Variants in SNX29 observed in about 807,000 individuals in gnomAD.
SNX29 encodes sorting nexin-29.
In SNX29, 78 loss-of-function variants were observed where a neutral mutation model predicts 102.1. The ratio of observed to expected loss-of-function variants is 0.76; its 90% CI spans 0.64 to 0.92. The LOEUF (loss-of-function observed/expected upper bound fraction) is 0.92. SNX29 is among the 40% of genes least tolerant of loss of function. The pLI is 0.00. For synonymous variants in SNX29, 580 were observed against 414.5 expected, an observed-to-expected ratio of 1.40 and a Z score of -4.85; for missense variants, 1,280 against 1,061.7, an observed-to-expected ratio of 1.21 and a Z score of -2.86.
At chr16:12,348,121 G>A (rs1313297686) in intron 15 of SNX29, among the ~76,000 whole-genome samples, 1 of 152,094 alleles carries the variant, frequency 6.6e-6, no homozygotes, top group Non-Finnish European at 1.5e-5. Flanking sequence ...AATCAAAGAC[G>A]TGTGATTCTT....
intron 18 of SNX29, among the ~76,000 whole-genome samples, chr16:12,457,778 G>A (rs994791454): frequency 4.6e-5 from 7 of 152,170 alleles, no homozygotes; most frequent in Admixed American, 4.6e-4. Flanking sequence ...AAACAAAATT[G>A]AATGCTATCT....
chr16:12,566,145 C>T (rs1055604376), intron 20 of SNX29, among the ~76,000 whole-genome samples: 2 of 152,192 alleles, frequency 1.3e-5, no homozygotes, highest in Non-Finnish European at 2.9e-5. Context: ...AGGCATTTGC[C>T]TACAGAAACA....
intron 8 of SNX29, among the ~76,000 whole-genome samples, chr16:12,057,059 CTA>C (rs2050550820): frequency 6.6e-6 from 1 of 152,154 alleles, no homozygotes; most frequent in Admixed American, 6.6e-5. Context: ...AGTGATCCTC[CTA>C]TGTTGGCCTC....
intron 16 of SNX29, among the ~76,000 whole-genome samples, chr16:12,356,561 T>TA (rs2151312255): frequency 6.6e-6 from 1 of 152,374 alleles, no homozygotes; most frequent in East Asian, 1.9e-4. Flanking sequence ...TTCCATACTT[T>TA]ACTACATGGG....
At chr16:12,178,742 G>T (rs575093272) in intron 13 of SNX29, among the ~76,000 whole-genome samples, 1 of 152,344 alleles carries the variant, frequency 6.6e-6, no homozygotes, top group African/African-American at 2.4e-5. Context: ...CAGACAGTGT[G>T]TGTAGTTTTC....
Position 12,418,152 on chromosome 16 carries a change from C to G in SNX29, c.2037+14623C>G, listed in dbSNP as rs149216269. On this transcript the variant is annotated intron_variant, in intron 18 of 20. Coordinates refer to ENST00000566228, the MANE Select transcript of SNX29 (RefSeq NM_032167.5). ...AGTATTCACCCAGAACTTTTAATGA[C>G]CAATTATTGTTGTAGTACAGATTTA... 3.7e-3 allele frequency among the ~76,000 whole-genome samples: 558 copies of G among 152,244 alleles called. 2 individuals are homozygous for G. Among genetic ancestry groups the G allele is most frequent in the African/African-American group, 0.013 (538 of 41,532 alleles).
intron 15 of SNX29, among the ~76,000 whole-genome samples, chr16:12,285,862 T>C (rs907761312): frequency 1.2e-4 from 19 of 152,220 alleles, no homozygotes; most frequent in Admixed American, 9.8e-4. Flanking sequence ...TATTTATTTA[T>C]TTTTTATTTT....
intron 13 of SNX29, among the ~76,000 whole-genome samples, chr16:12,166,287 G>A (rs1032426178): frequency 2.0e-5 from 3 of 152,188 alleles, no homozygotes; most frequent in African/African-American, 7.2e-5. Flanking sequence ...CAGGCAAATG[G>A]GAGAGACAAA....
At chr16:12,202,259 C>G (rs955377583) in intron 14 of SNX29, among the ~76,000 whole-genome samples, 4 of 151,718 alleles carry the variant, frequency 2.6e-5, no homozygotes, top group Admixed American at 2.0e-4. Flanking sequence ...TTTTTTCTCT[C>G]TCCAAGAGAA....
intron 16 of SNX29, among the ~76,000 whole-genome samples, chr16:12,365,790 C>A (rs574582673): frequency 6.6e-6 from 1 of 151,712 alleles, no homozygotes; most frequent in South Asian, 2.1e-4. Context: ...CGCCTGTAAT[C>A]CCAGCACTTT....
rs72773337 is a variant in SNX29, at chr16:12,542,698, G to A, written c.2318+17857G>A. On this transcript the variant is annotated intron_variant, in intron 20 of 20. Transcript: ENST00000566228. ...GGAACATGGACTTTGGGGCCAGGCT[G>A]GTGTTGGTCCCAGTCTTTTACTCTT... Among the ~76,000 whole-genome samples the A allele has an allele frequency of 5.3e-3, 802 of 152,130 alleles. 5 individuals carry two copies. The highest frequency in any genetic ancestry group is 8.6e-3 in the Non-Finnish European group (587 of 68,016).
chr16:12,051,112 G>C (rs901951588), intron 7 of SNX29, among the ~76,000 whole-genome samples: 2 of 152,148 alleles, frequency 1.3e-5, no homozygotes, highest in Non-Finnish European at 2.9e-5. Context: ...AGTATTGCTT[G>C]AGGCCAGGAG....
At chr16:12,192,927 C>G (rs578101926) in intron 13 of SNX29, among the ~76,000 whole-genome samples, 2 of 152,250 alleles carry the variant, frequency 1.3e-5, no homozygotes, top group South Asian at 2.1e-4. Flanking sequence ...GTCTTGAACT[C>G]CTGACCTCAG....
intron 18 of SNX29, among the ~76,000 whole-genome samples, chr16:12,453,740 G>C (rs2086408345): frequency 6.6e-6 from 1 of 152,090 alleles, no homozygotes; most frequent in African/African-American, 2.4e-5. Flanking sequence ...GACTGCAGTG[G>C]GACTTGTGGT....
intron 20 of SNX29, chr16:12,527,472 C>G (rs1242820734): frequency 2.3e-6 from 1 of 428,724 alleles, no homozygotes; most frequent in Non-Finnish European, 4.4e-6. Flanking sequence ...ATTTAGGATC[C>G]AAAAAGTCCA....
intron 1 of SNX29, among the ~76,000 whole-genome samples, chr16:11,998,190 G>A (rs1380778402): frequency 1.3e-5 from 2 of 152,182 alleles, no homozygotes; most frequent in Non-Finnish European, 2.9e-5. Context: ...GCAATTCAAC[G>A]CCTGCAGTGT....
intron 15 of SNX29, among the ~76,000 whole-genome samples, chr16:12,312,472 G>A (rs1176678479): frequency 1.3e-5 from 2 of 152,174 alleles, no homozygotes; most frequent in Admixed American, 6.5e-5. Context: ...TGCAGGAAGA[G>A]CTTTCCTTGT....
chr16:12,558,108 GAATT>G (rs1173212334), intron 20 of SNX29, among the ~76,000 whole-genome samples: 6 of 152,322 alleles, frequency 3.9e-5, no homozygotes, highest in African/African-American at 1.4e-4. Flanking sequence ...GGGCAACTGA[GAATT>G]AGAAGACCAG....
intron 19 of SNX29, among the ~76,000 whole-genome samples, chr16:12,493,297 A>G (rs573761030): frequency 2.0e-5 from 3 of 152,076 alleles, no homozygotes; most frequent in African/African-American, 7.2e-5. Flanking sequence ...CTTTGAAGCA[A>G]TTGTGAATGG....
Sources: gnomAD v4.1 joint callset for allele counts (sites outside exome capture counted in the v4.1 genomes callset) on GRCh38, gnomAD v4.1.1 for gene constraint, MANE v1.5 for transcripts, NCBI Gene and HGNC (gene_info 2026-07-23, HGNC 2026-07-21) for gene names.